KHDRBS2: variants seen among roughly 807,000 people sequenced by gnomAD.
KHDRBS2 encodes KH domain-containing, RNA-binding, signal transduction-associated protein 2.
A neutral mutation model predicts 44.3 loss-of-function variants in KHDRBS2; 26 were observed. The ratio of observed to expected loss-of-function variants is 0.59; its 90% CI spans 0.43 to 0.81. The LOEUF is 0.81. Ranked by LOEUF, KHDRBS2 falls within the 40% of genes least tolerant of loss-of-function variation. KHDRBS2 has a pLI of 0.00. For synonymous variants in KHDRBS2, 194 were observed against 151.1 expected (o/e 1.28, Z -2.08); for missense variants, 476 against 433.1 (o/e 1.10, Z -0.88).
chr6:62,225,400 T>C (rs1189157711), intron 1 of KHDRBS2, among the ~76,000 whole-genome samples: 1 of 152,232 alleles, frequency 6.6e-6, no homozygotes, highest in African/African-American at 2.4e-5. Flanking sequence ...AATCTATTAA[T>C]CAGCTATTCA....
At chr6:61,610,410 A>G in the KHDRBS2 span, among the ~76,000 whole-genome samples, 3 of 152,184 alleles carry the variant, frequency 2.0e-5, no homozygotes, top group Non-Finnish European at 4.4e-5. Flanking sequence ...ATAAAAAATT[A>G]TAATCTCACT....
intron 1 of KHDRBS2, among the ~76,000 whole-genome samples, chr6:62,259,120 G>C (rs1837916269): frequency 6.6e-6 from 1 of 152,016 alleles, no homozygotes; most frequent in Non-Finnish European, 1.5e-5. Flanking sequence ...CAACAGGCCA[G>C]AATAGCAAGA....
intron 2 of KHDRBS2, among the ~76,000 whole-genome samples, chr6:62,085,621 C>A (rs1178533455): frequency 1.3e-5 from 2 of 152,004 alleles, no homozygotes; most frequent in Admixed American, 6.6e-5. Flanking sequence ...GCTGAGAAAC[C>A]AAGTCCATGA....
At chr6:61,640,779 T>G in the KHDRBS2 span, among the ~76,000 whole-genome samples, 1 of 152,154 alleles carries the variant, frequency 6.6e-6, no homozygotes, top group African/African-American at 2.4e-5. Context: ...GATGAAAACC[T>G]TTCTTGAATA....
chr6:62,161,576 G>C lies in KHDRBS2; in HGVS notation c.219+15609C>G, dbSNP rs1279475286. ...CATCCGAGAATTTTGGTATTTGCGG[G>C]GGGGGGGGGGGTCCCAGAACAAATC... On this transcript the variant is annotated intron_variant, in intron 2 of 8. Transcript: ENST00000281156. Among the ~76,000 whole-genome samples, 12 of 119,600 alleles carry C rather than the reference G, an allele frequency of 1.0e-4. 1 individual carries two copies. Among genetic ancestry groups the C allele is most frequent in the Non-Finnish European group, 1.9e-4 (11 of 59,380 alleles). 78.5% of individuals were successfully genotyped at this position (119,600 alleles called of 152,430 possible).
At chr6:62,047,364 G>T (rs1275323082) in intron 3 of KHDRBS2, among the ~76,000 whole-genome samples, 1 of 151,826 alleles carries the variant, frequency 6.6e-6, no homozygotes, top group East Asian at 1.9e-4. Context: ...TCTTTTGGGG[G>T]TCAGGTGAGT....
the KHDRBS2 span, among the ~76,000 whole-genome samples, chr6:61,570,126 C>T: frequency 1.3e-5 from 2 of 151,880 alleles, no homozygotes; most frequent in African/African-American, 4.8e-5. Context: ...TAATAAGGTA[C>T]TCAAGGAGAT....
chr6:61,577,723 A>G, the KHDRBS2 span, among the ~76,000 whole-genome samples: 253 of 152,278 alleles, frequency 1.7e-3, no homozygotes, highest in Middle Eastern at 3.4e-3. Flanking sequence ...AATTAGGAAC[A>G]GAGTATAGAA....
At chr6:62,045,986 CCTTAT>C (rs1172475182) in intron 3 of KHDRBS2, among the ~76,000 whole-genome samples, 2 of 149,546 alleles carry the variant, frequency 1.3e-5, no homozygotes, top group African/African-American at 4.9e-5. Flanking sequence ...GAAAAAAAGG[CCTTAT>C]CTTAATTCTA....
At chr6:62,239,990 CT>C (rs370821037) in intron 1 of KHDRBS2, among the ~76,000 whole-genome samples, 11 of 151,416 alleles carry the variant, frequency 7.3e-5, no homozygotes, top group Admixed American at 2.6e-4. Flanking sequence ...AGGCCTTAAA[CT>C]TTTTTTTTAA....
At chr6:61,542,897 G>T in the KHDRBS2 span, among the ~76,000 whole-genome samples, 1 of 151,894 alleles carries the variant, frequency 6.6e-6, no homozygotes, top group South Asian at 2.1e-4. Context: ...ATAAAAAGAA[G>T]ATATGATAAC....
intron 2 of KHDRBS2, among the ~76,000 whole-genome samples, chr6:62,147,012 T>A (rs1814090159): frequency 6.6e-6 from 1 of 151,962 alleles, no homozygotes; most frequent in Non-Finnish European, 1.5e-5. Flanking sequence ...TACACTCAGT[T>A]GTTTAGATTC....
intron 4 of KHDRBS2, among the ~76,000 whole-genome samples, chr6:61,955,660 ATG>A (rs1766983264): frequency 6.7e-6 from 1 of 149,198 alleles, no homozygotes; most frequent in African/African-American, 2.5e-5. Context: ...GTATGCATAT[ATG>A]TGTATATGTA....
chr6:61,590,118 T>A, the KHDRBS2 span, among the ~76,000 whole-genome samples: 93,557 of 151,940 alleles, frequency 0.62, 29,026 homozygotes, highest in Non-Finnish European at 0.65. Flanking sequence ...AATATGTGTT[T>A]TTGCCCATTT....
chr6:61,574,679 G>T, the KHDRBS2 span, among the ~76,000 whole-genome samples: 1 of 152,112 alleles, frequency 6.6e-6, no homozygotes, highest in Admixed American at 6.6e-5. Context: ...GCTGAGGCAG[G>T]TGGATACCTG....
the KHDRBS2 span, among the ~76,000 whole-genome samples, chr6:61,576,086 C>T: frequency 5.0e-5 from 5 of 100,724 alleles, no homozygotes; most frequent in African/African-American, 1.5e-4. Context: ...ACCACTTGTT[C>T]CCCCAAAACA....
intron 1 of KHDRBS2, among the ~76,000 whole-genome samples, chr6:62,237,162 A>G (rs1833837016): frequency 1.3e-5 from 2 of 152,196 alleles, no homozygotes; most frequent in Admixed American, 1.3e-4. Context: ...TCACATAAGC[A>G]TAATTCTTTT....
intron 4 of KHDRBS2, among the ~76,000 whole-genome samples, chr6:61,971,890 T>C (rs1282644816): frequency 6.6e-6 from 1 of 152,174 alleles, no homozygotes; most frequent in East Asian, 1.9e-4. Flanking sequence ...ATTTTAGAAA[T>C]AGTTTTTCTG....
chr6:61,674,337 C>G, the KHDRBS2 span, among the ~76,000 whole-genome samples: 1 of 151,764 alleles, frequency 6.6e-6, no homozygotes, highest in African/African-American at 2.4e-5. Flanking sequence ...TCTGTCTCCT[C>G]TTTTTGATCA....
Sources: gnomAD v4.1 joint callset for allele counts (sites outside exome capture counted in the v4.1 genomes callset) on GRCh38, gnomAD v4.1.1 for gene constraint, MANE v1.5 for transcripts, NCBI Gene and HGNC (gene_info 2026-07-23, HGNC 2026-07-21) for gene names.